CELF2: variants seen among roughly 807,000 people sequenced by gnomAD.
CELF2 encodes the protein CUGBP Elav-like family member 2.
CELF2 carries 8 observed loss-of-function variants against 62.6 expected under a neutral mutation model. The ratio of observed to expected loss-of-function variants is 0.13; its 90% CI spans 0.07 to 0.23. The LOEUF (loss-of-function observed/expected upper bound fraction) is 0.23. Ranked by LOEUF, CELF2 falls within the 10% of genes least tolerant of loss-of-function variation. The probability of loss-of-function intolerance (pLI) is 1.00; values close to 1 mark genes in which losing one functional copy is unlikely to be tolerated. For missense variants in CELF2, 333 were observed against 671.0 expected (o/e 0.50, Z 5.56); for synonymous variants, 258 against 250.0 (o/e 1.03, Z -0.30).
intron 3 of CELF2, among the ~76,000 whole-genome samples, chr10:11,226,590 C>G (rs2066622160): frequency 7.1e-6 from 1 of 140,266 alleles, no homozygotes; most frequent in Non-Finnish European, 1.5e-5. Flanking sequence ...GTCAGCTGGG[C>G]AGGCAGTGGC....
chr10:11,048,045 A>C lies in CELF2; in HGVS notation c.74+29882A>C, dbSNP rs560517534. 8.9e-4 allele frequency among the ~76,000 whole-genome samples: 135 copies of C among 152,244 alleles called. 3 individuals are homozygous for C. The South Asian group carries it at 0.027, about 30-fold the overall frequency. On this transcript the variant is annotated intron_variant, in intron 1 of 12. Coordinates refer to ENST00000633077, the MANE Select transcript of CELF2 (RefSeq NM_001326342.2). ...CCAAATGTAAGAATTGTTCCCTGCC[A>C]GTTTGTTCTCTTCTCAGGTTCATTG...
intron 1 of CELF2, among the ~76,000 whole-genome samples, chr10:11,024,312 T>C (rs2058782507): frequency 6.6e-6 from 1 of 152,164 alleles, no homozygotes; most frequent in Non-Finnish European, 1.5e-5. Context: ...ATCTCAGTAA[T>C]TAAAGAAGTC....
At chr10:11,151,872 C>T (rs572467364) in intron 1 of CELF2, among the ~76,000 whole-genome samples, 3 of 152,316 alleles carry the variant, frequency 2.0e-5, no homozygotes, top group South Asian at 2.1e-4. Flanking sequence ...GAGTCTCACT[C>T]GGGTCATGCT....
the CELF2 span, among the ~76,000 whole-genome samples, chr10:10,633,182 G>A: frequency 6.6e-6 from 1 of 152,144 alleles, no homozygotes; most frequent in Non-Finnish European, 1.5e-5. Context: ...TCCTGTGCGT[G>A]TATCTGTAAG....
At chr10:11,053,359 T>C (rs910262008) in intron 1 of CELF2, among the ~76,000 whole-genome samples, 75 of 152,346 alleles carry the variant, frequency 4.9e-4, no homozygotes, top group African/African-American at 1.8e-3. Flanking sequence ...ATGAATCCTC[T>C]GCTTCCTCTT....
At chr10:11,288,616 G>C in intron 9 of CELF2, 64 bp downstream of exon 9, 1 of 1,577,300 alleles carries the variant, frequency 6.3e-7, no homozygotes, top group Non-Finnish European at 8.6e-7. Context: ...AGGTTTCCGT[G>C]CCTCCAGGTG....
chr10:10,827,778 G>A (rs568177702), intron 1 of CELF2, among the ~76,000 whole-genome samples: 17 of 152,220 alleles, frequency 1.1e-4, no homozygotes, highest in Admixed American at 1.1e-3. Flanking sequence ...ATGTATGTAG[G>A]AGAGAGAAAG....
At position 11,285,870 on chromosome 10, in the gene CELF2, TG is replaced by T. The variant is rs2091126683; in HGVS notation, c.842-2547del. ...GTGTGTGTGTGTGTGTGTGTGTGTGTGTGTGTGTTTTTACATGGACTTGAAA... is the reference window on the plus strand; with the variant it reads ...GTGTGTGTGTGTGTGTGTGTGTGTGTTGTGTGTTTTTACATGGACTTGAAA... On this transcript the variant is annotated intron_variant, in intron 8 of 12. Coordinates refer to ENST00000633077, the MANE Select transcript of CELF2 (RefSeq NM_001326342.2). This position sits in a 1 kb window ranked among gnomAD's most constrained non-coding sequence, Gnocchi z 4.3. Among the ~76,000 whole-genome samples, 1 of 124,112 alleles carries T rather than the reference TG, an allele frequency of 8.1e-6. No homozygotes were observed. The highest frequency in any genetic ancestry group is 1.6e-5 in the Non-Finnish European group (1 of 62,852). The allele number at this position is 124,112 out of a possible 152,430, so 81.4% of individuals were successfully genotyped here.
intron 2 of CELF2, among the ~76,000 whole-genome samples, chr10:11,180,499 C>T (rs1312956570): frequency 6.6e-6 from 1 of 152,214 alleles, no homozygotes; most frequent in African/African-American, 2.4e-5. Flanking sequence ...CGACACCGTA[C>T]TCAGTCTCCT....
chr10:11,078,690 G>A (rs771901904), intron 1 of CELF2, among the ~76,000 whole-genome samples: 18 of 152,190 alleles, frequency 1.2e-4, no homozygotes, highest in Non-Finnish European at 1.9e-4. Flanking sequence ...AGAGTGGGCG[G>A]TTCTTTCTCT....
At chr10:10,690,453 T>C in the CELF2 span, among the ~76,000 whole-genome samples, 1 of 152,170 alleles carries the variant, frequency 6.6e-6, no homozygotes, top group Admixed American at 6.5e-5. Flanking sequence ...ATACACTGTA[T>C]AAAATACAGT....
chr10:10,958,221 C>T (rs183633996), intron 2 of CELF2, among the ~76,000 whole-genome samples: 3 of 152,324 alleles, frequency 2.0e-5, no homozygotes, highest in Admixed American at 2.0e-4. Context: ...GAAATCTGTG[C>T]TTGGCTTTTT....
chr10:10,548,069 G>T, the CELF2 span, among the ~76,000 whole-genome samples: 1 of 152,178 alleles, frequency 6.6e-6, no homozygotes, highest in Admixed American at 6.5e-5. Flanking sequence ...AGTCAAAGGG[G>T]AAAGAGCCCT....
chr10:11,090,710 A>G (rs1169708189), intron 1 of CELF2, among the ~76,000 whole-genome samples: 1 of 152,242 alleles, frequency 6.6e-6, no homozygotes, highest in Non-Finnish European at 1.5e-5. Flanking sequence ...TTGTAGTGAT[A>G]AGGAAAAAGG....
chr10:10,921,864 A>G (rs539237771), intron 2 of CELF2, among the ~76,000 whole-genome samples: 1 of 152,310 alleles, frequency 6.6e-6, no homozygotes, highest in South Asian at 2.1e-4. Context: ...CTCGTGCCTT[A>G]GTTTTTGAAG....
At chr10:10,507,769 A>G in the CELF2 span, among the ~76,000 whole-genome samples, 2 of 152,194 alleles carry the variant, frequency 1.3e-5, no homozygotes, top group Admixed American at 6.5e-5. Flanking sequence ...ATGAAAGCTG[A>G]CTTTATAAAA....
intron 1 of CELF2, among the ~76,000 whole-genome samples, chr10:11,153,832 A>C (rs576252482): frequency 1.3e-5 from 2 of 152,342 alleles, no homozygotes; most frequent in Admixed American, 6.5e-5. Flanking sequence ...GAGCATCCGC[A>C]GAATTGTACA....
chr10:10,572,752 T>C, the CELF2 span, among the ~76,000 whole-genome samples: 1 of 152,236 alleles, frequency 6.6e-6, no homozygotes, highest in South Asian at 2.1e-4. Flanking sequence ...TTATCCGGTC[T>C]ATCATCGATG....
Position 11,190,775 on chromosome 10 carries a change from TAAAAAA to T in CELF2, c.271+25116_271+25121del, listed in dbSNP as rs11301213. The stretch of plus-strand genomic sequence containing the variant: ...GGCTGGGTTTTGTATCTCTTTTCTT[TAAAAAA>T]AAAAAAAAAAAAAAAAAAAAAAGCC... On this transcript the variant is annotated intron_variant, in intron 2 of 12. Coordinates refer to ENST00000633077, the MANE Select transcript of CELF2 (RefSeq NM_001326342.2). 8.7e-3 allele frequency among the ~76,000 whole-genome samples: 472 copies of T among 53,990 alleles called. 3 individuals are homozygous for T. The highest frequency in any genetic ancestry group is 0.029 in the African/African-American group (368 of 12,810). 35.4% of individuals were successfully genotyped at this position (53,990 alleles called of 152,430 possible). A position where few individuals can be genotyped will look rare whatever the true frequency, so the allele number is the denominator to read the frequency against.
Sources: gnomAD v4.1 joint callset for allele counts (sites outside exome capture counted in the v4.1 genomes callset) on GRCh38, gnomAD v4.1.1 for gene constraint, Gnocchi (gnomAD v3.1) non-coding constraint, MANE v1.5 for transcripts, NCBI Gene and HGNC (gene_info 2026-07-23, HGNC 2026-07-21) for gene names.